Variants in BCL2L15 observed in about 807,000 individuals in gnomAD.
The protein encoded by BCL2L15 is BCL2 like 15, also known as bcl-2-like protein 15.
A neutral mutation model predicts 18.3 loss-of-function variants in BCL2L15; 15 were observed. That is an observed-to-expected ratio of 0.82 (90% confidence interval 0.55 to 1.26). The LOEUF (loss-of-function observed/expected upper bound fraction) is 1.26, where lower values mean the gene tolerates loss of function less well. BCL2L15 is among the 50% of genes most tolerant of loss of function. BCL2L15 has a pLI of 0.00. For synonymous variants in BCL2L15, 58 were observed against 68.5 expected, an observed-to-expected ratio of 0.85 and a Z score of 0.76; for missense variants, 180 against 201.7, an observed-to-expected ratio of 0.89 and a Z score of 0.65.
chr1:113,885,768 C>T (rs1050271074), intron 2 of BCL2L15, among the ~76,000 whole-genome samples: 2 of 151,986 alleles, frequency 1.3e-5, no homozygotes, highest in East Asian at 1.9e-4. Context: ...ATGGGCCAGG[C>T]GCGGTGGCTC....
intron 2 of BCL2L15, among the ~76,000 whole-genome samples, chr1:113,885,841 G>T (rs1667014842): frequency 6.6e-6 from 1 of 151,732 alleles, no homozygotes; most frequent in South Asian, 2.1e-4. Flanking sequence ...CCGGTGGGTG[G>T]AGGTTGCAGT....
In BCL2L15 at chr1:113,878,368, T is replaced by A. The variant is rs990554573; in HGVS notation, c.*2755A>T. The A allele has an allele frequency of 6.6e-6, 1 of 152,362 alleles. No homozygotes were observed. Among genetic ancestry groups the A allele is most frequent in the Non-Finnish European group, 1.5e-5 (1 of 68,044 alleles). 9.4% of individuals were successfully genotyped at this position (152,362 alleles called of 1,614,324 possible). Reference sequence around the variant, plus strand: ...CATTTTTAATTCCTGGGTTACAATGTCTTCTTCCTGCAGCCCAATCACTTA... The same window carrying A: ...CATTTTTAATTCCTGGGTTACAATGACTTCTTCCTGCAGCCCAATCACTTA... On this transcript the variant is annotated 3_prime_UTR_variant, in exon 4 of 4. Transcript: ENST00000393316.
Position 113,886,846 on chromosome 1 carries a change from G to A in BCL2L15, c.128-188C>T, listed in dbSNP as rs2102257746. On this transcript the variant is annotated intron_variant, in intron 1 of 3. Transcript: ENST00000393316. ...TCATTGAGAACCTCTTTCGCTTTAG[G>A]TGTTACTGAAAGCTTAGAGTTTGCC... 2.0e-5 allele frequency among the ~76,000 whole-genome samples: 3 copies of A among 152,142 alleles called. 1 individual carries two copies. Among genetic ancestry groups the A allele is most frequent in the Middle Eastern group, 6.8e-3 (2 of 292 alleles).
At position 113,880,630 on chromosome 1, in the gene BCL2L15, A is replaced by G. The variant is rs1325174285; in HGVS notation, c.*493T>C. On this transcript the variant is annotated 3_prime_UTR_variant, in exon 4 of 4. Transcript: ENST00000393316. ...GACAGAGTGAGACTACGTCTAAAAA[A>G]AAAAAAACAAGATTTTTCAACCAAA... The G allele has an allele frequency of 2.6e-5, 4 of 156,460 alleles. No individual in the cohort carries two copies. The South Asian group carries it at 5.7e-4, about 22-fold the overall frequency. 9.7% of individuals were successfully genotyped at this position (156,460 alleles called of 1,614,324 possible). A position where few individuals can be genotyped will look rare whatever the true frequency, so the allele number is the denominator to read the frequency against.
At chr1:113,884,929 T>C (rs1666982227) in intron 2 of BCL2L15, among the ~76,000 whole-genome samples, 1 of 151,904 alleles carries the variant, frequency 6.6e-6, no homozygotes, top group Non-Finnish European at 1.5e-5. Context: ...TGTGCCACCA[T>C]GCCTGGCTAA....
intron 2 of BCL2L15, 41 bp downstream of exon 2, chr1:113,886,495 GA>G (rs770586700): frequency 6.3e-6 from 10 of 1,578,050 alleles, no homozygotes; most frequent in Middle Eastern, 1.7e-4. Context: ...GTTTGAAATA[GA>G]AAAAAAAGCA....
rs1257761687 is a variant in BCL2L15 at position 113,877,613 on chromosome 1, T to TA, written c.*3509dup. 6.6e-6 allele frequency among the ~76,000 whole-genome samples: 1 copy of TA among 152,182 alleles called. No individual in the cohort carries two copies. The highest frequency in any genetic ancestry group is 1.9e-4 in the East Asian group (1 of 5,198). On this transcript the variant is annotated 3_prime_UTR_variant, in exon 4 of 4. Coordinates refer to ENST00000393316, the MANE Select transcript of BCL2L15 (RefSeq NM_001010922.3). ...GTAATCTTCATTGGTATGTTAAATT[T>TA]AAAAATGAATGATACCATATCTAAA...
Position 113,881,107 on chromosome 1 carries a change from G to T in BCL2L15, c.*16C>A. ...ACAAGGAAGTGATGTTCAGTCTCGT[G>T]AATAGCTCCAACTCTTCAGCTCTCC... On this transcript the variant is annotated 3_prime_UTR_variant, in exon 4 of 4. Transcript: ENST00000393316. 1 of 1,614,148 alleles carries T rather than the reference G, an allele frequency of 6.2e-7. No individual in the cohort carries two copies.
At chr1:113,887,207 C>A (rs1348614225) in intron 1 of BCL2L15, 42 bp downstream of exon 1, 2 of 1,585,622 alleles carry the variant, frequency 1.3e-6, no homozygotes, top group Admixed American at 3.4e-5. Context: ...TGAAAACATA[C>A]TCTTATTGAC....
At chr1:113,886,485 G>C in intron 2 of BCL2L15, 52 bp downstream of exon 2, 1 of 1,571,652 alleles carries the variant, frequency 6.4e-7, no homozygotes, top group Admixed American at 2.0e-5. Context: ...AGAAAAGGAA[G>C]TTTGAAATAG....
rs1001821199 is a variant in BCL2L15, at chr1:113,882,720, C to T, written c.250-723G>A. On this transcript the variant is annotated intron_variant, in intron 2 of 3. Transcript: ENST00000393316. ...TTGGGAGGCGAAAGTGGGAGGATCACATGAGGTCAGGAGTTCAAGACTAGC... is the reference window on the plus strand; with the variant it reads ...TTGGGAGGCGAAAGTGGGAGGATCATATGAGGTCAGGAGTTCAAGACTAGC... Among the ~76,000 whole-genome samples the T allele has an allele frequency of 3.3e-5, 5 of 152,152 alleles. No homozygotes were observed. The South Asian group carries it at 6.2e-4, about 19-fold the overall frequency.
chr1:113,884,965 A>T (rs940906512), intron 2 of BCL2L15, among the ~76,000 whole-genome samples: 40 of 150,754 alleles, frequency 2.7e-4, no homozygotes, highest in African/African-American at 9.5e-4. Context: ...TTATTTATTT[A>T]TTTTGAGAGA....
At chr1:113,886,939 C>T (rs1667054949) in intron 1 of BCL2L15, among the ~76,000 whole-genome samples, 1 of 151,330 alleles carries the variant, frequency 6.6e-6, no homozygotes. Flanking sequence ...TCTCTGTCGC[C>T]CAGACTGGAG....
chr1:113,881,312 T>G (rs1666873128), intron 3 of BCL2L15, 172 bp from the exon 4 acceptor site: 1 of 1,117,794 alleles, frequency 8.9e-7, no homozygotes, highest in South Asian at 1.6e-5. Context: ...TGATGATTAC[T>G]AAAACATGGG....
Position 113,881,106 on chromosome 1 carries a change from T to C in BCL2L15, c.*17A>G, listed in dbSNP as rs371539890. On this transcript the variant is annotated 3_prime_UTR_variant, in exon 4 of 4. Coordinates refer to ENST00000393316, the MANE Select transcript of BCL2L15 (RefSeq NM_001010922.3). The stretch of plus-strand genomic sequence containing the variant: ...AACAAGGAAGTGATGTTCAGTCTCG[T>C]GAATAGCTCCAACTCTTCAGCTCTC... 7.6e-5 allele frequency: 122 copies of C among 1,614,078 alleles called. No homozygotes were observed. Among genetic ancestry groups the C allele is most frequent in the Non-Finnish European group, 1.0e-4 (118 of 1,180,026 alleles).
rs1380324136 is a variant in BCL2L15 at position 113,881,919 on chromosome 1, T to C, written c.328A>G (p.Arg110Gly). The change falls in exon 3 of 4, where the codon AGA becomes GGA. Residue 110 changes from arginine (R) to glycine (G), a missense_variant. By Grantham distance (125) the Arg-to-Gly change is moderately radical. Transcript: ENST00000393316. ...CAQDSSLAYE[R>G]AFLAVSVKLL... ...TTCACTGACACTGCCAGAAAAGCTC[T>C]CTCATAAGCTAAGCTGGAATCCTGA... 4 of 1,614,142 alleles carry C rather than the reference T, an allele frequency of 2.5e-6. No individual in the cohort carries two copies. In the Admixed American group the frequency reaches 5.0e-5, roughly 20 times the overall value.
intron 2 of BCL2L15, among the ~76,000 whole-genome samples, chr1:113,886,160 G>A (rs932410682): frequency 2.7e-5 from 4 of 149,726 alleles, no homozygotes; most frequent in African/African-American, 9.9e-5. Flanking sequence ...AGGCTGCAGT[G>A]AGCTGAGATC....
chr1:113,884,026 A>T (rs1340952535), intron 2 of BCL2L15, among the ~76,000 whole-genome samples: 1 of 152,230 alleles, frequency 6.6e-6, no homozygotes, highest in East Asian at 1.9e-4. Context: ...CATGGGTCCA[A>T]TGCTGATAAG....
At chr1:113,882,794 G>T (rs1666917402) in intron 2 of BCL2L15, among the ~76,000 whole-genome samples, 1 of 118,486 alleles carries the variant, frequency 8.4e-6, no homozygotes, top group African/African-American at 5.1e-5. Flanking sequence ...TTAAAAAGTA[G>T]CTAGGCATGG....
Sources: allele counts gnomAD v4.1 joint callset (sites outside exome capture counted in the v4.1 genomes callset), GRCh38; gene constraint gnomAD v4.1.1; transcripts MANE v1.5; gene names NCBI Gene and HGNC (gene_info 2026-07-23, HGNC 2026-07-21).